GFPT2: variants seen among roughly 807,000 people sequenced by gnomAD.
GFPT2 encodes the protein glutamine--fructose-6-phosphate aminotransferase [isomerizing] 2.
Under a neutral mutation model 85.6 loss-of-function variants are expected in GFPT2, and 62 were observed. That is an observed-to-expected ratio of 0.72 (90% CI 0.59 to 0.90). The LOEUF (loss-of-function observed/expected upper bound fraction) is 0.90, where lower values mean the gene tolerates loss of function less well. Ranked by LOEUF, GFPT2 falls within the 40% of genes least tolerant of loss-of-function variation. The pLI is 0.00. For missense variants in GFPT2, 788 were observed against 893.4 expected (o/e 0.88, Z 1.50); for synonymous variants, 368 against 344.5 (o/e 1.07, Z -0.75).
At chr5:180,312,339 A>G in intron 15 of GFPT2, 91 bp downstream of exon 15, 1 of 758,020 alleles carries the variant, frequency 1.3e-6, no homozygotes, top group South Asian at 1.5e-5. Flanking sequence ...GAAGAAATGA[A>G]CAACATCCTG....
chr5:180,341,193 T>C lies in GFPT2; in HGVS notation c.8-2593A>G, dbSNP rs945231512. 7.2e-5 allele frequency among the ~76,000 whole-genome samples: 11 copies of C among 152,280 alleles called. No homozygotes were observed. The East Asian group carries it at 1.7e-3, about 24-fold the overall frequency. On this transcript the variant is annotated intron_variant, in intron 1 of 18. Transcript: ENST00000253778. The stretch of plus-strand genomic sequence containing the variant: ...CTACCCACTGGCCAGTACCCCGGGA[T>C]GGATGCCACGAGGGTTACAAGAAGG...
intron 9 of GFPT2, among the ~76,000 whole-genome samples, chr5:180,320,964 A>G (rs1228859217): frequency 1.3e-5 from 2 of 152,224 alleles, no homozygotes; most frequent in Non-Finnish European, 2.9e-5. Flanking sequence ...TATTTTAAAC[A>G]AAACTTTGTA....
intron 1 of GFPT2, among the ~76,000 whole-genome samples, chr5:180,343,637 C>G (rs1213410474): frequency 6.6e-6 from 1 of 152,266 alleles, no homozygotes; most frequent in Non-Finnish European, 1.5e-5. Context: ...CTCTACTGCA[C>G]TCAAGTGAAT....
intron 14 of GFPT2, among the ~76,000 whole-genome samples, chr5:180,313,524 A>G (rs1763937899): frequency 2.0e-5 from 3 of 151,702 alleles, no homozygotes; most frequent in East Asian, 2.0e-4. Flanking sequence ...CGGGAGGCGG[A>G]GCTTGCAGTG....
intron 1 of GFPT2, chr5:180,352,277 G>A (rs1581394095): frequency 5.4e-6 from 2 of 372,572 alleles, no homozygotes; most frequent in Non-Finnish European, 1.0e-5. Flanking sequence ...TCATGGCTTC[G>A]AAAGTTCCTC....
At position 180,316,802 on chromosome 5, in the gene GFPT2, CGAT is replaced by C; in HGVS notation, c.1111_1113del (p.Ile371del). 6.2e-7 allele frequency: 1 copy of C among 1,614,040 alleles called. No individual in the cohort carries two copies. The highest frequency in any genetic ancestry group is 1.3e-5 in the African/African-American group (1 of 75,046). On this transcript the variant is annotated inframe_deletion, in exon 12 of 19. Coordinates refer to ENST00000253778, the MANE Select transcript of GFPT2 (RefSeq NM_005110.4). ...TGGTAGCTGGTTCCACAGCCAATCA[CGAT>C]GAGCCGTCGGCATCGTCGAATCTCC...
chr5:180,328,252 GA>G lies in GFPT2; in HGVS notation c.596+24del. The G allele has an allele frequency of 6.4e-7, 1 of 1,561,846 alleles. No homozygotes were observed. Among genetic ancestry groups the G allele is most frequent in the Non-Finnish European group, 8.8e-7 (1 of 1,132,314 alleles). ...ATTTTATTTTCGTTCTTTCTTATGG[GA>G]AATGCCAGTGTGTTTTGCCTCACCG... On this transcript the variant is annotated intron_variant, in intron 7 of 18. Coordinates refer to ENST00000253778, the MANE Select transcript of GFPT2 (RefSeq NM_005110.4). The surrounding 1 kb of genome is among the most constrained non-coding windows in gnomAD (Gnocchi z 5.4).
At chr5:180,306,817 T>A (rs1029494790) in intron 16 of GFPT2, among the ~76,000 whole-genome samples, 1 of 152,314 alleles carries the variant, frequency 6.6e-6, no homozygotes, top group East Asian at 1.9e-4. Context: ...TCCTCCTGAA[T>A]GAGGGTGAAT....
chr5:180,319,011 A>G, intron 9 of GFPT2, 55 bp from the exon 10 acceptor site: 1 of 1,558,496 alleles, frequency 6.4e-7, no homozygotes, highest in Non-Finnish European at 8.8e-7. Flanking sequence ...GTTACGAGGC[A>G]GCAGCCCCTT....
chr5:180,318,743 G>A lies in GFPT2; in HGVS notation c.958+50C>T. ...AGGCAGAGTGTCAGGAGCTCCACCA[G>A]GCGCGCTGGCTCCCGAGGCTGCCGC... On this transcript the variant is annotated intron_variant, in intron 10 of 18. Coordinates refer to ENST00000253778, the MANE Select transcript of GFPT2 (RefSeq NM_005110.4). This position sits in a 1 kb window ranked among gnomAD's most constrained non-coding sequence, Gnocchi z 4.2. The A allele has an allele frequency of 6.5e-7, 1 of 1,531,456 alleles. No individual in the cohort carries two copies. Among genetic ancestry groups the A allele is most frequent in the Non-Finnish European group, 9.0e-7 (1 of 1,111,418 alleles). The allele number at this position is 1,531,456 out of a possible 1,614,324, so 94.9% of individuals were successfully genotyped here.
At position 180,330,893 on chromosome 5, in the gene GFPT2, C is replaced by T. The variant is rs535564402; in HGVS notation, c.400-59G>A. On this transcript the variant is annotated intron_variant, in intron 5 of 18. Transcript: ENST00000253778. The surrounding 1 kb of genome is among the most constrained non-coding windows in gnomAD (Gnocchi z 4.4). ...GGTCATTGCACAATGCCTGCCTGGC[C>T]AACTCCCTCTCCTCCCTGGTGATCT... The T allele has an allele frequency of 4.2e-4, 633 of 1,501,752 alleles. 1 individual carries two copies. The Middle Eastern group carries it at 6.4e-3, about 15-fold the overall frequency. The allele number at this position is 1,501,752 out of a possible 1,614,324, so 93.0% of individuals were successfully genotyped here. A position where few individuals can be genotyped will look rare whatever the true frequency, so the allele number is the denominator to read the frequency against.
chr5:180,301,698 A>G, intron 18 of GFPT2, 90 bp from the exon 19 acceptor site: 1 of 1,114,532 alleles, frequency 9.0e-7, no homozygotes, highest in Non-Finnish European at 1.4e-6. Context: ...CTTAAAAACA[A>G]GAGACAGATG....
intron 15 of GFPT2, among the ~76,000 whole-genome samples, chr5:180,311,560 G>A (rs865840510): frequency 6.6e-6 from 1 of 152,206 alleles, no homozygotes; most frequent in South Asian, 2.1e-4. Flanking sequence ...AGGACCTGGG[G>A]CCATTTGCTC....
chr5:180,308,397 T>C (rs1419621947), intron 15 of GFPT2, among the ~76,000 whole-genome samples: 1 of 152,260 alleles, frequency 6.6e-6, no homozygotes, highest in African/African-American at 2.4e-5. Context: ...CTGCTTTTTG[T>C]TCTTGCAAAT....
At chr5:180,309,976 A>C (rs913216361) in intron 15 of GFPT2, among the ~76,000 whole-genome samples, 2 of 151,068 alleles carry the variant, frequency 1.3e-5, no homozygotes, top group African/African-American at 4.9e-5. Flanking sequence ...ACGCCCGGCT[A>C]ATTTTTTGTA....
chr5:180,336,758 G>C (rs1223934014), intron 2 of GFPT2, among the ~76,000 whole-genome samples, 181 bp from the exon 3 acceptor site: 2 of 152,250 alleles, frequency 1.3e-5, no homozygotes, highest in Non-Finnish European at 2.9e-5. Flanking sequence ...AGGCTTAACA[G>C]CAAGTGAGGA....
At chr5:180,338,436 G>A in intron 2 of GFPT2, 57 bp downstream of exon 2, 1 of 896,592 alleles carries the variant, frequency 1.1e-6, no homozygotes, top group Non-Finnish European at 1.8e-6. Context: ...GGAGATGGGT[G>A]AGACCACAGC....
intron 7 of GFPT2, among the ~76,000 whole-genome samples, chr5:180,325,946 A>G (rs1223430758): frequency 1.3e-5 from 2 of 152,046 alleles, no homozygotes; most frequent in African/African-American, 2.4e-5. Context: ...AATCACTTGA[A>G]CCCGGGAGGC....
chr5:180,310,260 GC>G (rs1763854202), intron 15 of GFPT2, among the ~76,000 whole-genome samples: 2 of 144,774 alleles, frequency 1.4e-5, no homozygotes, highest in South Asian at 4.4e-4. Context: ...CCACTAGCAC[GC>G]CCAGCTAATT....
Sources: allele counts gnomAD v4.1 joint callset (sites outside exome capture counted in the v4.1 genomes callset), GRCh38; gene constraint gnomAD v4.1.1; non-coding constraint Gnocchi (gnomAD v3.1); transcripts MANE v1.5; gene names NCBI Gene and HGNC (gene_info 2026-07-23, HGNC 2026-07-21).